NKD1: variants seen among roughly 807,000 people sequenced by gnomAD.
NKD1 encodes the protein NKD inhibitor of Wnt signaling pathway 1, also known as protein naked cuticle homolog 1.
NKD1 carries 21 observed loss-of-function variants against 56.0 expected under a neutral mutation model. That is an observed-to-expected ratio of 0.38 (90% CI 0.27 to 0.54). The LOEUF is 0.54. Among genes scored for constraint, NKD1 ranks in the 20% least tolerant of loss-of-function variants. NKD1 has a pLI of 0.82. For synonymous variants in NKD1, 263 were observed against 265.7 expected (o/e 0.99, Z 0.10); for missense variants, 578 against 642.7 (o/e 0.90, Z 1.09).
rs562702846 is a variant in NKD1 at position 50,561,743 on chromosome 16, C to A, written c.192+12188C>A. 5.3e-5 allele frequency among the ~76,000 whole-genome samples: 8 copies of A among 152,312 alleles called. No homozygotes were observed. In the East Asian group the frequency reaches 1.5e-3, roughly 29 times the overall value. On this transcript the variant is annotated intron_variant, in intron 3 of 9. Coordinates refer to ENST00000268459, the MANE Select transcript of NKD1 (RefSeq NM_033119.5). ...GGCCTGGAATTAGCAACAACACATT[C>A]TCTTCATTAAAGCAAGTCACAGGTC...
intron 5 of NKD1, chr16:50,625,138 G>A (rs1962180704): frequency 6.1e-6 from 2 of 329,830 alleles, no homozygotes; most frequent in South Asian, 3.2e-5. Flanking sequence ...CCAAATTGCC[G>A]CTCCTTTGCC....
intron 6 of NKD1, among the ~76,000 whole-genome samples, chr16:50,629,658 G>A (rs913813548): frequency 1.3e-5 from 2 of 152,148 alleles, no homozygotes; most frequent in African/African-American, 4.8e-5. Context: ...CAACACTTAG[G>A]GAGGCTGAGG....
intron 3 of NKD1, chr16:50,566,371 C>T (rs1191470826): frequency 6.2e-6 from 1 of 162,128 alleles, no homozygotes; most frequent in East Asian, 1.9e-4. Context: ...AACTTGGCTC[C>T]CAGCAGTCCA....
At chr16:50,582,691 T>C (rs1961142688) in intron 3 of NKD1, among the ~76,000 whole-genome samples, 1 of 152,252 alleles carries the variant, frequency 6.6e-6, no homozygotes, top group African/African-American at 2.4e-5. Context: ...CCAGGCCTGC[T>C]GCCCAGTGTG....
intron 3 of NKD1, among the ~76,000 whole-genome samples, chr16:50,567,919 A>G (rs988393219): frequency 7.2e-5 from 11 of 152,234 alleles, no homozygotes; most frequent in Non-Finnish European, 1.6e-4. Context: ...TTCACTCCCC[A>G]AGATTTTTGA....
At position 50,645,512 on chromosome 16, in the gene NKD1, A is replaced by T. The variant is rs1962660976; in HGVS notation, c.*11731A>T. The T allele has an allele frequency of 6.6e-6, 1 of 152,402 alleles. No individual in the cohort carries two copies. Among genetic ancestry groups the T allele is most frequent in the African/African-American group, 2.4e-5 (1 of 41,444 alleles). 9.4% of individuals were successfully genotyped at this position (152,402 alleles called of 1,614,324 possible). ...AACGAGGAGGCCCGGTATGGGCAGA[A>T]TCTGGGGGCCTGAATGGTGGAGAGT... On this transcript the variant is annotated 3_prime_UTR_variant, in exon 10 of 10. Coordinates refer to ENST00000268459, the MANE Select transcript of NKD1 (RefSeq NM_033119.5).
intron 6 of NKD1, among the ~76,000 whole-genome samples, chr16:50,628,332 C>T (rs1266768630): frequency 6.6e-6 from 1 of 152,178 alleles, no homozygotes; most frequent in Non-Finnish European, 1.5e-5. Context: ...CCTCTGTCGG[C>T]CCCCATTACT....
intron 3 of NKD1, among the ~76,000 whole-genome samples, chr16:50,602,939 C>T (rs937241366): frequency 1.3e-5 from 2 of 152,196 alleles, no homozygotes; most frequent in African/African-American, 4.8e-5. Context: ...TCACTGGATT[C>T]GAATGTGCCT....
chr16:50,552,149 A>T (rs937646446), intron 3 of NKD1: 6 of 152,208 alleles, frequency 3.9e-5, no homozygotes, highest in Non-Finnish European at 8.8e-5. Flanking sequence ...GTGGCTGGAG[A>T]CACAGTGGCT....
chr16:50,562,994 C>CCCCCCCCCCCG (rs1960674363), intron 3 of NKD1, among the ~76,000 whole-genome samples: 1 of 131,202 alleles, frequency 7.6e-6, no homozygotes, highest in African/African-American at 3.2e-5. Context: ...CCACCCCCCC[C>CCCCCCCCCCCG]CCCCGCCGTA....
intron 3 of NKD1, among the ~76,000 whole-genome samples, chr16:50,589,509 G>A (rs1389633682): frequency 6.6e-6 from 1 of 152,198 alleles, no homozygotes; most frequent in African/African-American, 2.4e-5. Flanking sequence ...ACTCTAGTCA[G>A]CCTGGTCGGG....
intron 3 of NKD1, among the ~76,000 whole-genome samples, chr16:50,561,770 A>G (rs1960639732): frequency 6.6e-6 from 1 of 152,224 alleles, no homozygotes; most frequent in African/African-American, 2.4e-5. Context: ...TCACAGGTCC[A>G]GCCTAGATTT....
intron 3 of NKD1, chr16:50,558,640 G>A (rs768707374): frequency 1.3e-5 from 2 of 150,752 alleles, no homozygotes; most frequent in South Asian, 2.1e-4. Context: ...GGTGGAGGCC[G>A]AGGTTGGTGG....
rs1962135296 is a variant in NKD1 at position 50,623,327 on chromosome 16, C to T, written c.366+1619C>T. ...CCACACAGCACAGGAGCACTCCAGC[C>T]TCCAAGAGGCTTGAAGGCTCGCCTG... is the stretch of plus-strand genomic sequence containing the variant. On this transcript the variant is annotated intron_variant, in intron 5 of 9. Transcript: ENST00000268459. The surrounding 1 kb of genome is among the most constrained non-coding windows in gnomAD (Gnocchi z 4.1). Among the ~76,000 whole-genome samples the T allele has an allele frequency of 1.3e-5, 2 of 152,258 alleles. No individual in the cohort carries two copies. Among genetic ancestry groups the T allele is most frequent in the South Asian group, 4.1e-4 (2 of 4,828 alleles).
At chr16:50,603,976 G>A (rs1446198635) in intron 3 of NKD1, among the ~76,000 whole-genome samples, 1 of 152,242 alleles carries the variant, frequency 6.6e-6, no homozygotes, top group Non-Finnish European at 1.5e-5. Flanking sequence ...GAGCAGCCCA[G>A]CCCCAGGTCA....
At chr16:50,553,172 G>A (rs1201446177) in intron 3 of NKD1, among the ~76,000 whole-genome samples, 1 of 152,174 alleles carries the variant, frequency 6.6e-6, no homozygotes, top group Non-Finnish European at 1.5e-5. Context: ...AAAATAGAAT[G>A]GACAAGTGAA....
Position 50,549,505 on chromosome 16 carries a change from T to A in NKD1, c.142T>A (p.Ser48Thr). Reference protein sequence around the residue: ...IGRQRCPGGVSGPRQLRLAGT... With the variant: ...IGRQRCPGGVTGPRQLRLAGT... ...GAGACAGCGCTGCCCGGGCGGTGTC[T>A]CGGGACCCCGACAGCTGCGGTTGGC... Residue 48 changes from serine to threonine, a missense_variant, in exon 3 of 10, where the codon TCG (serine) becomes ACG (threonine). Transcript: ENST00000268459. 1 of 1,608,678 alleles carries A rather than the reference T, an allele frequency of 6.2e-7. No homozygotes were observed. Among genetic ancestry groups the A allele is most frequent in the Non-Finnish European group, 8.5e-7 (1 of 1,177,502 alleles).
intron 6 of NKD1, among the ~76,000 whole-genome samples, chr16:50,627,871 A>G (rs968492556): frequency 1.3e-5 from 2 of 152,160 alleles, no homozygotes; most frequent in Non-Finnish European, 2.9e-5. Flanking sequence ...AGGTCCTCTA[A>G]GGTATCAGAA....
rs2151281988 is a variant in NKD1 at position 50,634,544 on chromosome 16, A to C, written c.*763A>C. On this transcript the variant is annotated 3_prime_UTR_variant, in exon 10 of 10. Coordinates refer to ENST00000268459, the MANE Select transcript of NKD1 (RefSeq NM_033119.5). ...CATTTTGGAAACTGCTAGGGAGGGA[A>C]CCAACCACTTAAACAAGCGTGGTTT... 6.6e-6 allele frequency: 1 copy of C among 152,482 alleles called. No individual in the cohort carries two copies. Among genetic ancestry groups the C allele is most frequent in the Non-Finnish European group, 1.5e-5 (1 of 68,040 alleles). The allele number at this position is 152,482 out of a possible 1,614,324, so 9.4% of individuals were successfully genotyped here. A position where few individuals can be genotyped will look rare whatever the true frequency, so the allele number is the denominator to read the frequency against.
Sources: allele counts gnomAD v4.1 joint callset (sites outside exome capture counted in the v4.1 genomes callset), GRCh38; gene constraint gnomAD v4.1.1; non-coding constraint Gnocchi (gnomAD v3.1); transcripts MANE v1.5; gene names NCBI Gene and HGNC (gene_info 2026-07-23, HGNC 2026-07-21).